ALDH1L1: variants seen among roughly 807,000 people sequenced by gnomAD.
ALDH1L1 encodes the protein aldehyde dehydrogenase 1 family member L1, also known as cytosolic 10-formyltetrahydrofolate dehydrogenase.
Under a neutral mutation model 101.1 loss-of-function variants are expected in ALDH1L1, and 68 were observed. That is an observed-to-expected ratio of 0.67 (90% CI 0.55 to 0.82). The LOEUF is 0.82. Ranked by LOEUF, ALDH1L1 falls within the 40% of genes least tolerant of loss-of-function variation. The pLI, the probability that ALDH1L1 is intolerant of heterozygous loss-of-function variation, is 0.00. For synonymous variants in ALDH1L1, 486 were observed against 470.8 expected (o/e 1.03, Z -0.42); for missense variants, 1,087 against 1,172.7 (o/e 0.93, Z 1.07).
At chr3:126,191,728 A>T (rs2081554492) in intron 1 of ALDH1L1, among the ~76,000 whole-genome samples, 1 of 152,230 alleles carries the variant, frequency 6.6e-6, no homozygotes, top group African/African-American at 2.4e-5. Context: ...TTCCACAGTC[A>T]GGTCATGCCT....
rs372309986 is a variant in ALDH1L1, at chr3:126,175,320, C to G, written c.-24+5156G>C. On this transcript the variant is annotated intron_variant, in intron 1 of 22. Coordinates refer to ENST00000393434, the MANE Select transcript of ALDH1L1 (RefSeq NM_012190.4). Reference sequence around the variant, plus strand: ...TTAAGAAAGAAATTATGCCAATTCTCTATGATCTCTTTCAAAAAATAGAAG... The same window carrying G: ...TTAAGAAAGAAATTATGCCAATTCTGTATGATCTCTTTCAAAAAATAGAAG... 7.9e-5 allele frequency among the ~76,000 whole-genome samples: 12 copies of G among 152,154 alleles called. No individual in the cohort carries two copies. The East Asian group carries it at 2.1e-3, about 27-fold the overall frequency.
At chr3:126,131,266 G>C (rs1259372553) in intron 13 of ALDH1L1, 118 bp downstream of exon 13, 1 of 1,288,550 alleles carries the variant, frequency 7.8e-7, no homozygotes, top group Non-Finnish European at 1.0e-6. Flanking sequence ...GTCATTCCAA[G>C]CCACCAGTTG....
At chr3:126,113,139 G>A (rs1946134698) in intron 18 of ALDH1L1, among the ~76,000 whole-genome samples, 1 of 152,228 alleles carries the variant, frequency 6.6e-6, no homozygotes, top group Non-Finnish European at 1.5e-5. Context: ...GGATAAGGCT[G>A]CCATCCACAC....
At chr3:126,192,412 C>T (rs180765059) in intron 1 of ALDH1L1, among the ~76,000 whole-genome samples, 63 of 152,272 alleles carry the variant, frequency 4.1e-4, no homozygotes, top group African/African-American at 1.3e-3. Flanking sequence ...TTAACCCTTC[C>T]TATATCAGTA....
chr3:126,168,838 G>A (rs1464433000), intron 1 of ALDH1L1, among the ~76,000 whole-genome samples: 1 of 152,126 alleles, frequency 6.6e-6, no homozygotes, highest in African/African-American at 2.4e-5. Context: ...GTCTAAATAT[G>A]TGCTATTAAT....
intron 1 of ALDH1L1, among the ~76,000 whole-genome samples, chr3:126,192,328 G>A (rs1057048769): frequency 3.3e-5 from 5 of 152,152 alleles, no homozygotes; most frequent in African/African-American, 9.7e-5. Flanking sequence ...AATTGCCCAG[G>A]CCTCAGTAAA....
At chr3:126,157,964 C>T (rs1487146768) in intron 3 of ALDH1L1, among the ~76,000 whole-genome samples, 2 of 152,172 alleles carry the variant, frequency 1.3e-5, no homozygotes, top group Admixed American at 6.5e-5. Context: ...TTGTGGAGGC[C>T]ATCCTTTGCT....
intron 16 of ALDH1L1, among the ~76,000 whole-genome samples, chr3:126,118,706 G>T (rs924503550): frequency 1.3e-5 from 2 of 152,122 alleles, no homozygotes; most frequent in African/African-American, 4.8e-5. Flanking sequence ...GCAGGGGCTC[G>T]AACAGAGACC....
In ALDH1L1 at chr3:126,118,047, C is replaced by T. The variant is rs909587127; in HGVS notation, c.1940G>A (p.Gly647Glu). The change falls in exon 17 of 23, where the codon GGG (glycine) becomes GAG (glutamate). Residue 647 changes from glycine (G) to glutamate (E), a missense_variant. Coordinates refer to ENST00000393434, the MANE Select transcript of ALDH1L1 (RefSeq NM_012190.4). Reference protein sequence around the residue: ...LSDHPDVRKIGFTGSTEVGKH... With the variant: ...LSDHPDVRKIEFTGSTEVGKH... The stretch of plus-strand genomic sequence containing the variant: ...GCCCACCTCTGTGGAGCCTGTGAAC[C>T]CGATTTTCCTCACATCAGGATGGTC... 4.3e-6 allele frequency: 7 copies of T among 1,613,970 alleles called. No homozygotes were observed. Among genetic ancestry groups the T allele is most frequent in the Non-Finnish European group, 5.9e-6 (7 of 1,180,030 alleles).
intron 13 of ALDH1L1, 57 bp from the exon 14 acceptor site, chr3:126,130,350 C>A: frequency 6.8e-7 from 1 of 1,466,148 alleles, no homozygotes; most frequent in Non-Finnish European, 9.1e-7. Context: ...CCCTTCCCCT[C>A]TAGGCAGCAA....
intron 1 of ALDH1L1, among the ~76,000 whole-genome samples, chr3:126,168,492 T>C (rs764631887): frequency 1.3e-5 from 2 of 152,198 alleles, no homozygotes. Flanking sequence ...GGCTAATAAA[T>C]GGTTTTTGCT....
intron 1 of ALDH1L1, among the ~76,000 whole-genome samples, chr3:126,161,973 A>G (rs951069191): frequency 1.3e-5 from 2 of 152,064 alleles, no homozygotes; most frequent in African/African-American, 2.4e-5. Flanking sequence ...TTCATTTTAC[A>G]TAAATGGAAC....
rs767049414 is a variant in ALDH1L1, at chr3:126,157,454, A to G, written c.417T>C (p.Asp139=). 4.0e-5 allele frequency: 65 copies of G among 1,614,014 alleles called. No individual in the cohort carries two copies. Among genetic ancestry groups the G allele is most frequent in the Non-Finnish European group, 5.4e-5 (64 of 1,180,016 alleles). The change falls in exon 4 of 23, where the codon GAT becomes GAC. Residue 139 remains aspartate (D), a synonymous_variant. Coordinates refer to ENST00000393434, the MANE Select transcript of ALDH1L1 (RefSeq NM_012190.4). The part of the protein sequence containing the change: ...KGGFSIFWAD[D]GLDTGDLLLQ... Reference sequence around the variant, plus strand: ...GCAGCAGGTCTCCGGTGTCCAGACCATCATCCGCCCAGAAGATGGAAAACC... The same window carrying G: ...GCAGCAGGTCTCCGGTGTCCAGACCGTCATCCGCCCAGAAGATGGAAAACC...
At chr3:126,159,401 C>A (rs1336266714) in intron 2 of ALDH1L1, 1 of 456,360 alleles carries the variant, frequency 2.2e-6, no homozygotes, top group Non-Finnish European at 4.4e-6. Context: ...CTGCTTCCTG[C>A]AGTCGCTGTC....
chr3:126,150,565 C>CT, intron 7 of ALDH1L1, 34 bp from the exon 8 acceptor site: 2 of 1,519,680 alleles, frequency 1.3e-6, no homozygotes, highest in South Asian at 1.2e-5. Flanking sequence ...CTTTTCTTTT[C>CT]TTTTTTTGAG....
At chr3:126,131,277 T>C (rs975584859) in intron 13 of ALDH1L1, 107 bp downstream of exon 13, 4 of 1,332,450 alleles carry the variant, frequency 3.0e-6, no homozygotes, top group South Asian at 3.5e-5. Context: ...CCACCAGTTG[T>C]GGTCATTTGC....
chr3:126,171,027 G>C (rs577375360), intron 1 of ALDH1L1, among the ~76,000 whole-genome samples: 12 of 152,168 alleles, frequency 7.9e-5, no homozygotes, highest in Non-Finnish European at 1.6e-4. Flanking sequence ...GGCTGGGCGC[G>C]GTGGCTCATG....
intron 1 of ALDH1L1, among the ~76,000 whole-genome samples, chr3:126,166,815 G>T (rs2081176706): frequency 6.6e-6 from 1 of 151,972 alleles, no homozygotes; most frequent in Non-Finnish European, 1.5e-5. Flanking sequence ...TGTTACATAA[G>T]TTGGCACTTC....
intron 1 of ALDH1L1, among the ~76,000 whole-genome samples, chr3:126,164,037 A>G (rs1379996754): frequency 6.6e-6 from 1 of 152,024 alleles, no homozygotes; most frequent in African/African-American, 2.4e-5. Context: ...AGGCTGAGGC[A>G]TGAGAATCAC....
Sources: allele counts gnomAD v4.1 joint callset (sites outside exome capture counted in the v4.1 genomes callset), GRCh38; gene constraint gnomAD v4.1.1; transcripts MANE v1.5; gene names NCBI Gene and HGNC (gene_info 2026-07-23, HGNC 2026-07-21).